The following ACOXL variants were observed in gnomAD, a reference collection of about 807,000 sequenced individuals.
ACOXL encodes the protein acyl-coenzyme A oxidase-like protein.
In ACOXL, 70 loss-of-function variants were observed where a neutral mutation model predicts 71.9. That is an observed-to-expected ratio of 0.97 (90% CI 0.80 to 1.19). The LOEUF (loss-of-function observed/expected upper bound fraction) is 1.19, where lower values mean the gene tolerates loss of function less well. Ranked by LOEUF, ACOXL falls within the 50% of genes most tolerant of loss-of-function variation. ACOXL has a pLI of 0.00. For missense variants in ACOXL, 703 were observed against 736.3 expected (o/e 0.95, Z 0.52); for synonymous variants, 253 against 281.6 (o/e 0.90, Z 1.02).
At chr2:111,015,731 A>G (rs755627212) in intron 14 of ACOXL, among the ~76,000 whole-genome samples, 2 of 152,224 alleles carry the variant, frequency 1.3e-5, no homozygotes, top group Non-Finnish European at 2.9e-5. Flanking sequence ...AATGTTCAAC[A>G]TGACACTAGA....
intron 14 of ACOXL, among the ~76,000 whole-genome samples, chr2:111,010,966 G>A (rs1053323859): frequency 2.6e-5 from 4 of 152,102 alleles, no homozygotes; most frequent in African/African-American, 9.7e-5. Flanking sequence ...CAAAATGAAA[G>A]TAAATGGAAA....
chr2:110,857,241 A>T (rs1044753335), intron 10 of ACOXL, among the ~76,000 whole-genome samples: 2 of 152,106 alleles, frequency 1.3e-5, no homozygotes, highest in African/African-American at 4.8e-5. Flanking sequence ...TCACATATAG[A>T]TGTAGAAGAT....
At chr2:111,115,082 CT>C (rs946069382) in intron 17 of ACOXL, among the ~76,000 whole-genome samples, 2 of 152,092 alleles carry the variant, frequency 1.3e-5, no homozygotes. Flanking sequence ...CTTGTTCATA[CT>C]TTTTTATTTT....
At chr2:110,822,298 G>C (rs932324405) in intron 9 of ACOXL, among the ~76,000 whole-genome samples, 5 of 152,078 alleles carry the variant, frequency 3.3e-5, no homozygotes. Flanking sequence ...TCTCAACTCT[G>C]ATCCCTTTAC....
intron 15 of ACOXL, among the ~76,000 whole-genome samples, chr2:111,047,523 A>G (rs2066074850): frequency 6.6e-6 from 1 of 152,244 alleles, no homozygotes; most frequent in Admixed American, 6.5e-5. Context: ...TCAATATGTT[A>G]TCACACCAAA....
At chr2:111,042,959 A>G (rs2065853087) in intron 15 of ACOXL, among the ~76,000 whole-genome samples, 1 of 152,188 alleles carries the variant, frequency 6.6e-6, no homozygotes, top group Non-Finnish European at 1.5e-5. Context: ...GCAGTGGCCC[A>G]TTGCCATCCT....
At chr2:110,934,584 A>G (rs1397289519) in intron 12 of ACOXL, among the ~76,000 whole-genome samples, 2 of 152,124 alleles carry the variant, frequency 1.3e-5, no homozygotes, top group East Asian at 3.9e-4. Context: ...AATAAAAGGG[A>G]AAGGATGAGT....
rs2062037132 is a variant in ACOXL, at chr2:110,968,594, A to G, written c.1060-18514A>G. ...GCTTATACATCAAGTCTATGAAAAG[A>G]AGCCCAAGAAAGAAGTTAAAAAGAA... On this transcript the variant is annotated intron_variant, in intron 12 of 17. Transcript: ENST00000439055. 7 of 910,690 alleles carry G rather than the reference A, an allele frequency of 7.7e-6. No individual in the cohort carries two copies. In the South Asian group the frequency reaches 1.1e-4, roughly 14 times the overall value. The allele number at this position is 910,690 out of a possible 1,614,324, so 56.4% of individuals were successfully genotyped here. A position where few individuals can be genotyped will look rare whatever the true frequency, so the allele number is the denominator to read the frequency against.
intron 17 of ACOXL, among the ~76,000 whole-genome samples, chr2:111,107,365 A>G (rs2069617459): frequency 6.6e-6 from 1 of 152,224 alleles, no homozygotes; most frequent in African/African-American, 2.4e-5. Context: ...TTTGTTTTAC[A>G]TATAATATCC....
intron 12 of ACOXL, among the ~76,000 whole-genome samples, chr2:110,981,794 A>G (rs2062717256): frequency 1.3e-5 from 2 of 152,314 alleles, no homozygotes; most frequent in South Asian, 4.1e-4. Context: ...TTGCGTGTGC[A>G]TAGGCTGATC....
At chr2:111,005,273 C>T (rs1004816110) in intron 14 of ACOXL, among the ~76,000 whole-genome samples, 4 of 152,230 alleles carry the variant, frequency 2.6e-5, no homozygotes, top group African/African-American at 4.8e-5. Flanking sequence ...GAGTCCCAAG[C>T]GAAAGGCAAG....
At chr2:111,081,088 G>A (rs1428421982) in intron 16 of ACOXL, among the ~76,000 whole-genome samples, 1 of 152,194 alleles carries the variant, frequency 6.6e-6, no homozygotes, top group Non-Finnish European at 1.5e-5. Context: ...AAAGGTGGAA[G>A]CATTCCCTTT....
intron 10 of ACOXL, among the ~76,000 whole-genome samples, chr2:110,898,941 G>A (rs927025012): frequency 3.2e-4 from 48 of 151,996 alleles, no homozygotes; most frequent in African/African-American, 9.7e-4. Flanking sequence ...TGTATATACC[G>A]GTGATGAACA....
rs760258913 is a variant in ACOXL, at chr2:111,092,944, C to T, written c.1520C>T (p.Ala507Val). The change falls in exon 17 of 18, where the codon GCC (alanine) becomes GTC (valine). Residue 507 changes from alanine (A) to valine (V), a missense_variant. Coordinates refer to ENST00000439055, the MANE Select transcript of ACOXL (RefSeq NM_001142807.4). ...YLEHKYLTPM[A>V]STRIRNQLLD... is the part of the protein sequence containing the mutation. ...GAACATAAATACTTGACTCCCATGG[C>T]CAGCACGAGGATCAGGAATCAGGTA... is the stretch of plus-strand genomic sequence containing the variant. 1.4e-4 allele frequency: 221 copies of T among 1,613,814 alleles called. No homozygotes were observed. Among genetic ancestry groups the T allele is most frequent in the Non-Finnish European group, 1.8e-4 (209 of 1,179,966 alleles).
chr2:111,111,456 T>C (rs1405520571), intron 17 of ACOXL, among the ~76,000 whole-genome samples: 5 of 152,220 alleles, frequency 3.3e-5, no homozygotes, highest in East Asian at 1.9e-4. Flanking sequence ...ACTACCTAAT[T>C]GAATATTCTT....
intron 10 of ACOXL, among the ~76,000 whole-genome samples, chr2:110,876,352 G>A (rs1031593684): frequency 2.8e-4 from 42 of 152,294 alleles, no homozygotes; most frequent in African/African-American, 9.6e-4. Context: ...CAGGTAGAGG[G>A]AGCTCCCCCG....
rs576034539 is a variant in ACOXL at position 110,957,797 on chromosome 2, C to T, written c.1059+24155C>T. ...GGGGACCAGGGGTGCTGGCTTATGC[C>T]GGTAATCCTAGCACTTTGGGAGGCC... On this transcript the variant is annotated intron_variant, in intron 12 of 17. Coordinates refer to ENST00000439055, the MANE Select transcript of ACOXL (RefSeq NM_001142807.4). 6.6e-5 allele frequency among the ~76,000 whole-genome samples: 10 copies of T among 152,168 alleles called. 1 individual carries two copies. Among genetic ancestry groups the T allele is most frequent in the Middle Eastern group, 6.8e-3 (2 of 294 alleles).
At chr2:110,741,479 C>T (rs573780019) in intron 1 of ACOXL, among the ~76,000 whole-genome samples, 48 of 152,174 alleles carry the variant, frequency 3.2e-4, no homozygotes, top group African/African-American at 1.1e-3. Flanking sequence ...TTAGGGGGAG[C>T]GGGGGACACT....
At chr2:110,785,517 C>T (rs1402224777) in intron 3 of ACOXL, among the ~76,000 whole-genome samples, 1 of 151,886 alleles carries the variant, frequency 6.6e-6, no homozygotes, top group African/African-American at 2.4e-5. Flanking sequence ...TTTCATTTGG[C>T]CTCCATTCCA....
Sources: allele counts gnomAD v4.1 joint callset (sites outside exome capture counted in the v4.1 genomes callset), GRCh38; gene constraint gnomAD v4.1.1; transcripts MANE v1.5; gene names NCBI Gene and HGNC (gene_info 2026-07-23, HGNC 2026-07-21).